Variants in AGMO observed in about 807,000 individuals in gnomAD.
The protein encoded by AGMO is alkylglycerol monooxygenase.
In AGMO, 75 loss-of-function variants were observed where a neutral mutation model predicts 60.2. The ratio of observed to expected loss-of-function variants is 1.25; its 90% CI spans 1.03 to 1.51. The LOEUF is 1.51. Ranked by LOEUF, AGMO falls within the 40% of genes most tolerant of loss-of-function variation. The pLI is 0.00. For missense variants in AGMO, 763 were observed against 525.5 expected, an observed-to-expected ratio of 1.45 and a Z score of -4.42; for synonymous variants, 261 against 177.1, an observed-to-expected ratio of 1.47 and a Z score of -3.76.
At chr7:15,125,108 C>T in the AGMO span, among the ~76,000 whole-genome samples, 1 of 152,132 alleles carries the variant, frequency 6.6e-6, no homozygotes, top group Admixed American at 6.6e-5. Flanking sequence ...GAGTATTTTT[C>T]ATCGCATCCA....
intron 12 of AGMO, among the ~76,000 whole-genome samples, chr7:15,315,188 T>C (rs4412271): frequency 0.054 from 8,232 of 152,062 alleles, 767 homozygotes; most frequent in African/African-American, 0.19. Flanking sequence ...AGGTATGAAA[T>C]AATGAATTTG....
chr7:15,182,763 A>G, the AGMO span, among the ~76,000 whole-genome samples: 77 of 152,290 alleles, frequency 5.1e-4, no homozygotes, highest in African/African-American at 1.8e-3. Flanking sequence ...GCTATAAATA[A>G]ATACCTGAAA....
chr7:15,382,984 AATCT>A (rs1783755474), intron 10 of AGMO, among the ~76,000 whole-genome samples: 1 of 151,942 alleles, frequency 6.6e-6, no homozygotes, highest in Non-Finnish European at 1.5e-5. Flanking sequence ...CTTTTTCTAT[AATCT>A]ATCACCTCAA....
At chr7:15,480,602 A>G (rs1402333204) in intron 3 of AGMO, among the ~76,000 whole-genome samples, 5 of 152,196 alleles carry the variant, frequency 3.3e-5, no homozygotes, top group Non-Finnish European at 7.4e-5. Flanking sequence ...CTACATACCA[A>G]TTCAAACACT....
chr7:15,297,343 T>C (rs996740303), intron 12 of AGMO, among the ~76,000 whole-genome samples: 6 of 152,202 alleles, frequency 3.9e-5, no homozygotes, highest in African/African-American at 1.2e-4. Context: ...TAGGTGGTGC[T>C]ACATTTTACT....
At chr7:15,263,872 A>T (rs1205183457) in intron 12 of AGMO, among the ~76,000 whole-genome samples, 1 of 152,124 alleles carries the variant, frequency 6.6e-6, no homozygotes, top group Non-Finnish European at 1.5e-5. Flanking sequence ...ATGAGGATGC[A>T]AAGGCATAAA....
At chr7:15,173,507 C>G in the AGMO span, among the ~76,000 whole-genome samples, 2 of 152,054 alleles carry the variant, frequency 1.3e-5, no homozygotes, top group Non-Finnish European at 2.9e-5. Context: ...AATTGTCTGT[C>G]TGGTCCCTCG....
chr7:15,320,701 T>C (rs1263291140), intron 12 of AGMO, among the ~76,000 whole-genome samples: 1 of 152,128 alleles, frequency 6.6e-6, no homozygotes, highest in Non-Finnish European at 1.5e-5. Context: ...CATCATTAAA[T>C]GAGACGATAT....
intron 3 of AGMO, among the ~76,000 whole-genome samples, chr7:15,491,270 T>C (rs762056531): frequency 1.3e-5 from 2 of 152,114 alleles, no homozygotes; most frequent in Non-Finnish European, 2.9e-5. Context: ...AATACATAAT[T>C]ATTCAGTGTA....
rs972285170 is a variant in AGMO, at chr7:15,356,241, T to G, written c.1263+9273A>C. ...AACTCTACATACATGCAATGTGCAC[T>G]AGATGTGTAGATGAATTTTTATTGC... On this transcript the variant is annotated intron_variant, in intron 12 of 12. Coordinates refer to ENST00000342526, the MANE Select transcript of AGMO (RefSeq NM_001004320.2). Among the ~76,000 whole-genome samples the G allele has an allele frequency of 4.6e-5, 7 of 152,122 alleles. No individual in the cohort carries two copies. In the South Asian group the frequency reaches 1.2e-3, roughly 27 times the overall value.
chr7:15,202,489 A>AAAAAAAAAAAAAAAAAC (rs1277846759), intron 12 of AGMO, among the ~76,000 whole-genome samples: 1 of 132,054 alleles, frequency 7.6e-6, no homozygotes, highest in African/African-American at 2.9e-5. Context: ...AAAAAAAAAA[A>AAAAAAAAAAAAAAAAAC]CCCTCCCAAA....
At chr7:15,274,433 T>G (rs1416817934) in intron 12 of AGMO, among the ~76,000 whole-genome samples, 2 of 152,186 alleles carry the variant, frequency 1.3e-5, no homozygotes, top group Non-Finnish European at 2.9e-5. Context: ...TTGATTTGCG[T>G]ATGTTGAACC....
chr7:15,167,121 A>C, the AGMO span, among the ~76,000 whole-genome samples: 1 of 152,214 alleles, frequency 6.6e-6, no homozygotes, highest in African/African-American at 2.4e-5. Context: ...AAATCATGAA[A>C]ATTTATAGCA....
In AGMO at chr7:15,342,621, T is replaced by G. The variant is rs574709436; in HGVS notation, c.1263+22893A>C. On this transcript the variant is annotated intron_variant, in intron 12 of 12. Coordinates refer to ENST00000342526, the MANE Select transcript of AGMO (RefSeq NM_001004320.2). ...ATGTTCAGAATGGAAATATCTTGAC[T>G]AACAGATTTCGGCTTTCTCTCCTGA... is the stretch of plus-strand genomic sequence containing the variant. 4.6e-5 allele frequency among the ~76,000 whole-genome samples: 7 copies of G among 151,994 alleles called. No homozygotes were observed. In the South Asian group the frequency reaches 1.5e-3, roughly 32 times the overall value.
rs148247666 is a variant in AGMO at position 15,407,956 on chromosome 7, C to T, written c.609+10602G>A. Among the ~76,000 whole-genome samples the T allele has an allele frequency of 3.7e-3, 558 of 151,938 alleles. 4 individuals are homozygous for T. The highest frequency in any genetic ancestry group is 0.013 in the African/African-American group (532 of 41,492). ...CAGAGCTCGTGCTCCTAACTCTTAA[C>T]TACCAATATGGAAATAGAAATACAC... On this transcript the variant is annotated intron_variant, in intron 5 of 12. Coordinates refer to ENST00000342526, the MANE Select transcript of AGMO (RefSeq NM_001004320.2).
intron 12 of AGMO, chr7:15,358,322 C>A (rs1782620128): frequency 9.2e-6 from 4 of 433,422 alleles, no homozygotes; most frequent in South Asian, 1.7e-5. Flanking sequence ...GCTGAGGCAG[C>A]AAATTGTTAA....
At chr7:15,197,043 G>GT (rs10717756), downstream of AGMO, among the ~76,000 whole-genome samples, 5 of 151,634 alleles carry the variant, frequency 3.3e-5, no homozygotes, top group Admixed American at 3.3e-4. Flanking sequence ...TGAATAGAAC[G>GT]TTTTTTGTTG....
intron 5 of AGMO, among the ~76,000 whole-genome samples, chr7:15,402,511 A>C (rs1220394553): frequency 6.6e-6 from 1 of 150,894 alleles, no homozygotes; most frequent in East Asian, 1.9e-4. Flanking sequence ...TCAATAAGAT[A>C]TTCCCATATT....
chr7:15,121,038 G>A, the AGMO span, among the ~76,000 whole-genome samples: 1 of 151,986 alleles, frequency 6.6e-6, no homozygotes, highest in African/African-American at 2.4e-5. Flanking sequence ...TGTTCTCATT[G>A]TTCAGTTCCC....
Sources: gnomAD v4.1 joint callset for allele counts (sites outside exome capture counted in the v4.1 genomes callset) on GRCh38, gnomAD v4.1.1 for gene constraint, MANE v1.5 for transcripts, NCBI Gene and HGNC (gene_info 2026-07-23, HGNC 2026-07-21) for gene names.